The following CCSER1 variants were observed in gnomAD, a reference collection of about 807,000 sequenced individuals.
CCSER1 encodes coiled-coil serine rich protein 1.
Under a neutral mutation model 82.0 loss-of-function variants are expected in CCSER1, and 41 were observed. The observed-to-expected ratio is 0.50, with a 90% CI of 0.39 to 0.65. CCSER1 has a LOEUF of 0.65. Among genes scored for constraint, CCSER1 ranks in the 30% least tolerant of loss-of-function variants. The probability of loss-of-function intolerance (pLI) is 0.00; values close to 1 mark genes in which losing one functional copy is unlikely to be tolerated. For missense variants in CCSER1, 1,119 were observed against 1,064.2 expected (o/e 1.05, Z -0.72); for synonymous variants, 414 against 383.9 (o/e 1.08, Z -0.92).
At chr4:91,470,372 T>TACTAGCTTTCTTCTACTGC (rs2149443142) in intron 10 of CCSER1, among the ~76,000 whole-genome samples, 1 of 152,332 alleles carries the variant, frequency 6.6e-6, no homozygotes, top group East Asian at 1.9e-4. Flanking sequence ...TTCCTAAATA[T>TACTAGCTTTCTTCTACTGC]ACTAGCTTTC....
At chr4:90,869,468 T>C (rs896727741) in intron 8 of CCSER1, among the ~76,000 whole-genome samples, 1 of 151,924 alleles carries the variant, frequency 6.6e-6, no homozygotes, top group Non-Finnish European at 1.5e-5. Flanking sequence ...GTCCTTTCCC[T>C]AATTTATGTT....
chr4:90,267,320 C>A (rs1172516400), intron 1 of CCSER1, among the ~76,000 whole-genome samples: 1 of 151,996 alleles, frequency 6.6e-6, no homozygotes, highest in African/African-American at 2.4e-5. Flanking sequence ...CCAGCTCAGC[C>A]ACAGTAGAAC....
chr4:91,498,509 TTC>T (rs1258921312), intron 10 of CCSER1, among the ~76,000 whole-genome samples: 2 of 151,816 alleles, frequency 1.3e-5, no homozygotes, highest in African/African-American at 2.4e-5. Context: ...TTTTCTGCAC[TTC>T]TCTTTCTCCA....
intron 6 of CCSER1, among the ~76,000 whole-genome samples, chr4:90,672,960 T>G (rs1290255189): frequency 6.6e-6 from 1 of 151,842 alleles, no homozygotes; most frequent in African/African-American, 2.4e-5. Flanking sequence ...AAAATTACAG[T>G]AGTAAAGTAA....
rs1323733857 is a variant in CCSER1, at chr4:90,648,274, G to GAGAGAAAGAAAGGAA, written c.1932+20045_1932+20046insGAAAGAAAGGAAAGA. Among the ~76,000 whole-genome samples, 3 of 100,800 alleles carry GAGAGAAAGAAAGGAA rather than the reference G, an allele frequency of 3.0e-5. 1 individual carries two copies. The highest frequency in any genetic ancestry group is 6.3e-4 in the South Asian group (2 of 3,152). The allele number at this position is 100,800 out of a possible 152,430, so 66.1% of individuals were successfully genotyped here. A position where few individuals can be genotyped will look rare whatever the true frequency, so the allele number is the denominator to read the frequency against. Reference sequence around the variant, plus strand: ...GAAAAAAAGAAGAAAGAAAGAGAGAGAGAAAGAAAGGAAAGAAAGAAAGAA... The same window carrying GAGAGAAAGAAAGGAA: ...GAAAAAAAGAAGAAAGAAAGAGAGAGAGAGAAAGAAAGGAAAGAAAGAAAGGAAAGAAAGAAAGAA... On this transcript the variant is annotated intron_variant, in intron 6 of 10. Coordinates refer to ENST00000509176, the MANE Select transcript of CCSER1 (RefSeq NM_001145065.2).
At chr4:91,083,869 C>A (rs1316828206) in intron 9 of CCSER1, among the ~76,000 whole-genome samples, 3 of 152,022 alleles carry the variant, frequency 2.0e-5, no homozygotes, top group Admixed American at 2.0e-4. Flanking sequence ...GTGACATTAA[C>A]AAGTCATTTA....
At chr4:90,877,362 C>T (rs905191237) in intron 8 of CCSER1, among the ~76,000 whole-genome samples, 1 of 152,012 alleles carries the variant, frequency 6.6e-6, no homozygotes, top group Non-Finnish European at 1.5e-5. Context: ...CTTTACCTCA[C>T]TTTACCTATA....
chr4:90,275,074 T>C (rs977029296), intron 1 of CCSER1, among the ~76,000 whole-genome samples: 13 of 152,136 alleles, frequency 8.5e-5, no homozygotes, highest in Non-Finnish European at 1.6e-4. Flanking sequence ...AACTTTATCG[T>C]ACTTGGAAAA....
chr4:90,446,743 G>A (rs77896014), intron 4 of CCSER1, among the ~76,000 whole-genome samples: 4,292 of 152,170 alleles, frequency 0.028, 203 homozygotes, highest in African/African-American at 0.098. Flanking sequence ...CAACTTTTGC[G>A]GAATGTGCCT....
chr4:90,593,981 A>C (rs1217718732), intron 5 of CCSER1, among the ~76,000 whole-genome samples: 2 of 151,956 alleles, frequency 1.3e-5, no homozygotes, highest in South Asian at 2.1e-4. Context: ...TGTACAGCAT[A>C]ATTAAATATA....
intron 10 of CCSER1, among the ~76,000 whole-genome samples, chr4:91,558,190 T>C (rs1762491221): frequency 1.3e-5 from 2 of 151,528 alleles, no homozygotes; most frequent in Non-Finnish European, 3.0e-5. Flanking sequence ...AAAGTTGTCT[T>C]ATCCAAAGGA....
At chr4:90,343,396 C>T (rs895197758) in intron 3 of CCSER1, among the ~76,000 whole-genome samples, 1 of 152,108 alleles carries the variant, frequency 6.6e-6, no homozygotes, top group Non-Finnish European at 1.5e-5. Context: ...GTGGATGGAT[C>T]ATTTGAGGTC....
chr4:91,463,367 C>G (rs972404754), intron 10 of CCSER1, among the ~76,000 whole-genome samples: 3 of 152,120 alleles, frequency 2.0e-5, no homozygotes, highest in Non-Finnish European at 4.4e-5. Flanking sequence ...ACGTCACCAT[C>G]ATCAAAGACC....
chr4:90,621,056 T>G, intron 5 of CCSER1, among the ~76,000 whole-genome samples: 1 of 152,150 alleles, frequency 6.6e-6, no homozygotes, highest in Non-Finnish European at 1.5e-5. Flanking sequence ...TGACCTCAAG[T>G]GATCTGCCCA....
chr4:91,487,523 G>A (rs1204697101), intron 10 of CCSER1, among the ~76,000 whole-genome samples: 1 of 152,014 alleles, frequency 6.6e-6, no homozygotes, highest in Non-Finnish European at 1.5e-5. Flanking sequence ...TCAGGAAATG[G>A]GTACTTTACT....
chr4:91,285,571 TAGAA>T (rs765238169), intron 10 of CCSER1, among the ~76,000 whole-genome samples: 30 of 151,890 alleles, frequency 2.0e-4, no homozygotes, highest in African/African-American at 4.1e-4. Context: ...CTACTAAAAA[TAGAA>T]AGAAAAACAA....
intron 5 of CCSER1, 68 bp downstream of exon 5, chr4:90,468,422 T>G (rs1763917255): frequency 7.3e-7 from 1 of 1,374,980 alleles, no homozygotes; most frequent in Middle Eastern, 2.1e-4. Context: ...AAAATGTGAT[T>G]TATAATAAAT....
intron 4 of CCSER1, among the ~76,000 whole-genome samples, chr4:90,450,400 A>G (rs1194980963): frequency 6.6e-6 from 1 of 152,214 alleles, no homozygotes; most frequent in African/African-American, 2.4e-5. Context: ...TAAGCTTTAA[A>G]GGAGAAATAA....
chr4:90,881,439 T>G (rs928529892), intron 8 of CCSER1, among the ~76,000 whole-genome samples: 1 of 152,116 alleles, frequency 6.6e-6, no homozygotes, highest in Non-Finnish European at 1.5e-5. Context: ...TCCAAGACCT[T>G]TTGGTCCTTA....
Sources: gnomAD v4.1 joint callset for allele counts (sites outside exome capture counted in the v4.1 genomes callset) on GRCh38, gnomAD v4.1.1 for gene constraint, MANE v1.5 for transcripts, NCBI Gene and HGNC (gene_info 2026-07-23, HGNC 2026-07-21) for gene names.